CACNB2: variants seen among roughly 807,000 people sequenced by gnomAD.
The protein encoded by CACNB2 is calcium voltage-gated channel auxiliary subunit beta 2.
CACNB2 carries 42 observed loss-of-function variants against 73.3 expected under a neutral mutation model. That is an observed-to-expected ratio of 0.57 (90% CI 0.45 to 0.74). The LOEUF (loss-of-function observed/expected upper bound fraction) is 0.74. CACNB2 is among the 30% of genes least tolerant of loss of function. CACNB2 has a pLI of 0.00. For missense variants in CACNB2, 940 were observed against 853.0 expected, an observed-to-expected ratio of 1.10 and a Z score of -1.27; for synonymous variants, 348 against 310.3, an observed-to-expected ratio of 1.12 and a Z score of -1.28.
At chr10:18,382,194 A>G (rs1349684685) in intron 2 of CACNB2, among the ~76,000 whole-genome samples, 3 of 152,016 alleles carry the variant, frequency 2.0e-5, no homozygotes, top group Non-Finnish European at 4.4e-5. Flanking sequence ...ATACTTGCTC[A>G]GAATGGATCT....
In CACNB2 at chr10:18,541,968, G is replaced by A. The variant is rs987868882; in HGVS notation, c.*2244G>A. 4 of 151,912 alleles carry A rather than the reference G, an allele frequency of 2.6e-5. No individual in the cohort carries two copies. The highest frequency in any genetic ancestry group is 5.9e-5 in the Non-Finnish European group (4 of 67,988). The allele number at this position is 151,912 out of a possible 1,614,324, so 9.4% of individuals were successfully genotyped here. On this transcript the variant is annotated 3_prime_UTR_variant, in exon 14 of 14. Coordinates refer to ENST00000324631, the MANE Select transcript of CACNB2 (RefSeq NM_201596.3). ...TCCAAGTTCTTACCAAATATTCTTAGCCTTTTATAAGTAAAACTGTTTTAC... is the reference window on the plus strand; with the variant it reads ...TCCAAGTTCTTACCAAATATTCTTAACCTTTTATAAGTAAAACTGTTTTAC...
intron 13 of CACNB2, 131 bp from the exon 14 acceptor site, chr10:18,539,099 T>A (rs2053891477): frequency 8.8e-7 from 1 of 1,134,196 alleles, no homozygotes; most frequent in South Asian, 1.2e-5. Flanking sequence ...ACCAAAGGGA[T>A]GAAGCTAGGT....
intron 2 of CACNB2, among the ~76,000 whole-genome samples, chr10:18,356,951 T>TTC (rs1564464199): frequency 6.9e-5 from 4 of 58,060 alleles, no homozygotes; most frequent in Admixed American, 1.8e-4. Flanking sequence ...TCTTTTTTTT[T>TTC]TTTTTTTTTT....
At chr10:18,347,439 C>T (rs2041512291) in intron 2 of CACNB2, among the ~76,000 whole-genome samples, 1 of 150,878 alleles carries the variant, frequency 6.6e-6, no homozygotes, top group South Asian at 2.1e-4. Flanking sequence ...AATCCGCCCA[C>T]CTTGGCCTCT....
chr10:18,181,241 A>T (rs74325916), intron 2 of CACNB2, among the ~76,000 whole-genome samples: 1 of 152,104 alleles, frequency 6.6e-6, no homozygotes, highest in Non-Finnish European at 1.5e-5. Context: ...ACTTTCTCCC[A>T]TGAAACTTCC....
At chr10:18,262,227 C>A (rs1420589613) in intron 2 of CACNB2, among the ~76,000 whole-genome samples, 1 of 141,540 alleles carries the variant, frequency 7.1e-6, no homozygotes, top group East Asian at 2.1e-4. Flanking sequence ...GAAAATTGGC[C>A]ACAGAAAAGA....
intron 3 of CACNB2, among the ~76,000 whole-genome samples, chr10:18,432,450 C>CTCTGTGTGTGTG (rs1411132620): frequency 6.6e-6 from 1 of 150,628 alleles, no homozygotes; most frequent in African/African-American, 2.4e-5. Context: ...GTGTGTGTCT[C>CTCTGTGTGTGTG]TGTGTGTGTG....
At chr10:18,518,310 T>C (rs2051483448) in intron 7 of CACNB2, 26 bp from the exon 8 acceptor site, 1 of 1,532,820 alleles carries the variant, frequency 6.5e-7, no homozygotes, top group Non-Finnish European at 9.0e-7. Context: ...CTGTGAAACG[T>C]CTAAAAGCCT....
intron 2 of CACNB2, among the ~76,000 whole-genome samples, chr10:18,152,869 G>C (rs764388788): frequency 2.6e-4 from 40 of 151,958 alleles, no homozygotes; most frequent in Non-Finnish European, 1.2e-4. Context: ...GAATAGAAAC[G>C]AACAGTGTAG....
At chr10:18,197,447 C>T (rs1357923211) in intron 2 of CACNB2, among the ~76,000 whole-genome samples, 2 of 152,170 alleles carry the variant, frequency 1.3e-5, no homozygotes, top group African/African-American at 2.4e-5. Flanking sequence ...ATAAAGCAGG[C>T]CCCAACACAG....
At chr10:18,387,149 C>T (rs2043270373) in intron 2 of CACNB2, among the ~76,000 whole-genome samples, 1 of 152,190 alleles carries the variant, frequency 6.6e-6, no homozygotes, top group Admixed American at 6.5e-5. Context: ...TCCTCCACCC[C>T]TTCCCATTGG....
At chr10:18,370,657 A>G (rs1368443925) in intron 2 of CACNB2, among the ~76,000 whole-genome samples, 1 of 152,202 alleles carries the variant, frequency 6.6e-6, no homozygotes, top group Non-Finnish European at 1.5e-5. Flanking sequence ...ACCATTTAGA[A>G]GTCCTCATAG....
chr10:18,491,818 T>G (rs1354060216), intron 3 of CACNB2, among the ~76,000 whole-genome samples: 1 of 22,650 alleles, frequency 4.4e-5, no homozygotes, highest in South Asian at 2.2e-3. Flanking sequence ...TTCAAGTTGG[T>G]TAAAAAAAAA....
At position 18,357,666 on chromosome 10, in the gene CACNB2, G is replaced by T. The variant is rs116063830; in HGVS notation, c.214-44258G>T. On this transcript the variant is annotated intron_variant, in intron 2 of 13. Coordinates refer to ENST00000324631, the MANE Select transcript of CACNB2 (RefSeq NM_201596.3). ...GTACTCATATCCAAAAAAAGATTTA[G>T]ATTCTAGGTTCAGATAATTTTATAT... Among the ~76,000 whole-genome samples the T allele has an allele frequency of 2.6e-3, 400 of 152,314 alleles. 2 individuals carry two copies. Among genetic ancestry groups the T allele is most frequent in the African/African-American group, 9.1e-3 (377 of 41,570 alleles).
At chr10:18,237,670 C>T (rs2036498856) in intron 2 of CACNB2, among the ~76,000 whole-genome samples, 1 of 152,166 alleles carries the variant, frequency 6.6e-6, no homozygotes, top group Non-Finnish European at 1.5e-5. Flanking sequence ...TGAACTTGAT[C>T]TTGACGTTGG....
At chr10:18,205,878 C>A (rs928966817) in intron 2 of CACNB2, among the ~76,000 whole-genome samples, 2 of 152,166 alleles carry the variant, frequency 1.3e-5, no homozygotes, top group Non-Finnish European at 2.9e-5. Context: ...TTTGTTCTTG[C>A]TCCAATTTGC....
chr10:18,149,598 C>T (rs1019467877), intron 1 of CACNB2, among the ~76,000 whole-genome samples: 12 of 152,172 alleles, frequency 7.9e-5, no homozygotes, highest in African/African-American at 2.9e-4. Flanking sequence ...TAGATTTCAG[C>T]TTGCCTAAGT....
Position 18,220,226 on chromosome 10 carries a change from TATATATAGAG to T in CACNB2, c.213+69253_213+69262del, listed in dbSNP as rs1373161118. Among the ~76,000 whole-genome samples, 59 of 45,656 alleles carry T rather than the reference TATATATAGAG, an allele frequency of 1.3e-3. 1 individual carries two copies. The highest frequency in any genetic ancestry group is 9.1e-3 in the African/African-American group (46 of 5,058). 30.0% of individuals were successfully genotyped at this position (45,656 alleles called of 152,430 possible). A position where few individuals can be genotyped will look rare whatever the true frequency, so the allele number is the denominator to read the frequency against. On this transcript the variant is annotated intron_variant, in intron 2 of 13. Transcript: ENST00000324631. The stretch of plus-strand genomic sequence containing the variant: ...GTATATATATATATATATATATATA[TATATATAGAG>T]AGAGAGAGAGAGAGAGAGAGAGAGA...
At chr10:18,247,312 A>C (rs1277134660) in intron 2 of CACNB2, among the ~76,000 whole-genome samples, 1 of 152,186 alleles carries the variant, frequency 6.6e-6, no homozygotes, top group Non-Finnish European at 1.5e-5. Flanking sequence ...TTCCTTGATC[A>C]GTCCCCAAAT....
Sources: allele counts gnomAD v4.1 joint callset (sites outside exome capture counted in the v4.1 genomes callset), GRCh38; gene constraint gnomAD v4.1.1; transcripts MANE v1.5; gene names NCBI Gene and HGNC (gene_info 2026-07-23, HGNC 2026-07-21).